The following PRSS12 variants were observed in gnomAD, a reference collection of about 807,000 sequenced individuals.
PRSS12 encodes the protein neurotrypsin.
A neutral mutation model predicts 104.4 loss-of-function variants in PRSS12; 85 were observed. The observed-to-expected ratio is 0.81, with a 90% CI of 0.68 to 0.98. The LOEUF (loss-of-function observed/expected upper bound fraction) is 0.98. Ranked by LOEUF, PRSS12 falls within the 50% of genes least tolerant of loss-of-function variation. PRSS12 has a pLI of 0.00. For missense variants in PRSS12, 1,141 were observed against 1,139.2 expected, an observed-to-expected ratio of 1.00 and a Z score of -0.02; for synonymous variants, 454 against 425.2, an observed-to-expected ratio of 1.07 and a Z score of -0.83.
intron 11 of PRSS12, among the ~76,000 whole-genome samples, chr4:118,292,957 G>GT (rs1743163091): frequency 6.6e-6 from 1 of 152,000 alleles, no homozygotes; most frequent in Non-Finnish European, 1.5e-5. Flanking sequence ...AGAGGCTGCA[G>GT]TAAGCCAAGA....
intron 4 of PRSS12, among the ~76,000 whole-genome samples, chr4:118,320,350 C>T (rs568956679): frequency 5.3e-5 from 8 of 152,206 alleles, no homozygotes; most frequent in South Asian, 2.1e-4. Context: ...ACCAATTTTG[C>T]GGCTAAAAAG....
chr4:118,326,482 A>C (rs1414347992), intron 4 of PRSS12, among the ~76,000 whole-genome samples: 4 of 152,220 alleles, frequency 2.6e-5, no homozygotes, highest in African/African-American at 7.2e-5. Flanking sequence ...TAAATGGTAA[A>C]GTTTGTCTGA....
At chr4:118,305,826 C>G (rs932242948) in intron 8 of PRSS12, 1 of 152,218 alleles carries the variant, frequency 6.6e-6, no homozygotes, top group Non-Finnish European at 1.5e-5. Flanking sequence ...CCTCCCAACC[C>G]CTGATAACCA....
At chr4:118,292,876 A>T (rs933708235) in intron 11 of PRSS12, among the ~76,000 whole-genome samples, 3 of 152,052 alleles carry the variant, frequency 2.0e-5, no homozygotes, top group Admixed American at 2.0e-4. Context: ...TTAGCCAGGC[A>T]TGGTGACGCA....
rs2051344953 is a variant in PRSS12, at chr4:118,281,119, AC to A, written c.*816del. ...GGAAGTGTCAGTGGGTGGCACTCTT[AC>A]ATCATGGTCGGGGAACGTGGACTAT... On this transcript the variant is annotated 3_prime_UTR_variant, in exon 13 of 13. Coordinates refer to ENST00000296498, the MANE Select transcript of PRSS12 (RefSeq NM_003619.4). 1.3e-5 allele frequency: 2 copies of A among 152,254 alleles called. No homozygotes were observed. Among genetic ancestry groups the A allele is most frequent in the South Asian group, 2.1e-4 (1 of 4,822 alleles). The allele number at this position is 152,254 out of a possible 1,614,324, so 9.4% of individuals were successfully genotyped here.
intron 11 of PRSS12, among the ~76,000 whole-genome samples, chr4:118,285,503 C>G (rs1742993011): frequency 6.6e-6 from 1 of 151,986 alleles, no homozygotes; most frequent in African/African-American, 2.4e-5. Context: ...TGAAATGTTG[C>G]ATTTATCTTT....
At chr4:118,295,152 A>G in intron 10 of PRSS12, 91 bp from the exon 11 acceptor site, 1 of 1,476,284 alleles carries the variant, frequency 6.8e-7, no homozygotes, top group African/African-American at 1.4e-5. Flanking sequence ...AATAACTTTA[A>G]TGCCTTGCAG....
chr4:118,311,650 C>A (rs1237479668), intron 7 of PRSS12, among the ~76,000 whole-genome samples: 1 of 152,102 alleles, frequency 6.6e-6, no homozygotes, highest in Non-Finnish European at 1.5e-5. Flanking sequence ...AGTTAATAGA[C>A]ACATTACTGA....
At chr4:118,350,682 T>TGAG (rs1724475697) in intron 1 of PRSS12, among the ~76,000 whole-genome samples, 2 of 152,098 alleles carry the variant, frequency 1.3e-5, no homozygotes, top group African/African-American at 4.8e-5. Flanking sequence ...CTGAAGAAGG[T>TGAG]GAGGTGGCAG....
At chr4:118,286,184 A>T (rs542892879) in intron 11 of PRSS12, among the ~76,000 whole-genome samples, 1 of 152,262 alleles carries the variant, frequency 6.6e-6, no homozygotes, top group Non-Finnish European at 1.5e-5. Context: ...TCTGCCTGAT[A>T]ATATAACTCC....
At chr4:118,311,357 A>ATC (rs1743721720) in intron 7 of PRSS12, among the ~76,000 whole-genome samples, 1 of 152,132 alleles carries the variant, frequency 6.6e-6, no homozygotes. Context: ...GTTTCCCTTG[A>ATC]CATATAAAGT....
intron 6 of PRSS12, among the ~76,000 whole-genome samples, chr4:118,314,392 T>C (rs1420871078): frequency 6.6e-6 from 1 of 152,178 alleles, no homozygotes; most frequent in East Asian, 1.9e-4. Flanking sequence ...TTAATCATTC[T>C]ATGGCTTCTC....
At position 118,308,639 on chromosome 4, in the gene PRSS12, G is replaced by A. The variant is rs1160415666; in HGVS notation, c.1490-62C>T. On this transcript the variant is annotated intron_variant, in intron 7 of 12. Transcript: ENST00000296498. The stretch of plus-strand genomic sequence containing the variant: ...CATGCAAACTGATTCTAAAGCATGA[G>A]CGACTCTACAAAACACAATTGTTCT... 8 of 1,569,930 alleles carry A rather than the reference G, an allele frequency of 5.1e-6. No individual in the cohort carries two copies. In the Middle Eastern group the frequency reaches 5.0e-4, roughly 99 times the overall value.
At chr4:118,304,393 TAA>T (rs1020023779) in intron 8 of PRSS12, among the ~76,000 whole-genome samples, 4 of 151,950 alleles carry the variant, frequency 2.6e-5, no homozygotes, top group Non-Finnish European at 5.9e-5. Context: ...TGGATATAAT[TAA>T]GAGTGGTATA....
intron 4 of PRSS12, among the ~76,000 whole-genome samples, chr4:118,319,357 C>G (rs937578712): frequency 2.0e-5 from 3 of 152,054 alleles, no homozygotes; most frequent in African/African-American, 7.2e-5. Context: ...TGTGAACCAC[C>G]GCACCCTGCC....
intron 12 of PRSS12, 92 bp from the exon 13 acceptor site, chr4:118,282,335 T>A: frequency 6.6e-7 from 1 of 1,516,376 alleles, no homozygotes; most frequent in Non-Finnish European, 9.1e-7. Context: ...GAAAATAAAA[T>A]CCCTGTTGTG....
chr4:118,313,291 T>C lies in PRSS12; in HGVS notation c.1399A>G (p.Arg467Gly). The C allele has an allele frequency of 1.9e-6, 3 of 1,614,092 alleles. No homozygotes were observed. The highest frequency in any genetic ancestry group is 2.5e-6 in the Non-Finnish European group (3 of 1,179,996). The change falls in exon 7 of 13, where the codon AGG (arginine) becomes GGG (glycine). Residue 467 changes from arginine (R) to glycine (G), a missense_variant. Transcript: ENST00000296498. ...CAGTCATGCCTTCCCCACTGTCGCCTGGAACACTGAAGAAATCTGGTTTCC... is the reference window on the plus strand; with the variant it reads ...CAGTCATGCCTTCCCCACTGTCGCCCGGAACACTGAAGAAATCTGGTTTCC... ...GKETRFLQCS[R>G]RQWGRHDCSH...
chr4:118,342,660 T>C (rs1724246632), intron 1 of PRSS12, among the ~76,000 whole-genome samples: 1 of 152,288 alleles, frequency 6.6e-6, no homozygotes, highest in Non-Finnish European at 1.5e-5. Context: ...TGGCATGTCA[T>C]GCAGTGGAGG....
Position 118,308,569 on chromosome 4 carries a change from C to T in PRSS12, c.1498G>A (p.Val500Ile). The change falls in exon 8 of 13, where the codon GTC becomes ATC. Residue 500 changes from valine to isoleucine, a missense_variant. Coordinates refer to ENST00000296498, the MANE Select transcript of PRSS12 (RefSeq NM_003619.4). ...EGHRLSLGFP[V>I]RLMDGENKKE... ...TTATTTTCTCCATCCATCAGTCTGA[C>T]AGGAAAACCTAAGTCATGATTCAAA... is the stretch of plus-strand genomic sequence containing the variant. 1 of 1,613,464 alleles carries T rather than the reference C, an allele frequency of 6.2e-7. No homozygotes were observed. Among genetic ancestry groups the T allele is most frequent in the Non-Finnish European group, 8.5e-7 (1 of 1,179,636 alleles).
Sources: allele counts gnomAD v4.1 joint callset (sites outside exome capture counted in the v4.1 genomes callset), GRCh38; gene constraint gnomAD v4.1.1; transcripts MANE v1.5; gene names NCBI Gene and HGNC (gene_info 2026-07-23, HGNC 2026-07-21).